The following ERGIC1 variants were observed in gnomAD, a reference collection of about 807,000 sequenced individuals.
ERGIC1 encodes the protein endoplasmic reticulum-Golgi intermediate compartment protein 1.
A neutral mutation model predicts 38.3 loss-of-function variants in ERGIC1; 19 were observed. The ratio of observed to expected loss-of-function variants is 0.50; its 90% CI spans 0.35 to 0.73. The LOEUF (loss-of-function observed/expected upper bound fraction) is 0.73, where lower values mean the gene tolerates loss of function less well. Among genes scored for constraint, ERGIC1 ranks in the 30% least tolerant of loss-of-function variants. ERGIC1 has a pLI of 0.01. For missense variants in ERGIC1, 294 were observed against 389.2 expected (o/e 0.76, Z 2.06); for synonymous variants, 124 against 157.6 (o/e 0.79, Z 1.60).
At chr5:172,892,066 T>TG (rs1428801118) in intron 2 of ERGIC1, among the ~76,000 whole-genome samples, 10 of 142,228 alleles carry the variant, frequency 7.0e-5, no homozygotes, top group African/African-American at 2.5e-4. Flanking sequence ...GAGTATGTTT[T>TG]TTTTTTTTTT....
intron 6 of ERGIC1, among the ~76,000 whole-genome samples, 182 bp downstream of exon 6, chr5:172,924,291 G>A (rs1250558732): frequency 6.6e-6 from 1 of 152,226 alleles, no homozygotes; most frequent in African/African-American, 2.4e-5. Context: ...TCCTAGGCAG[G>A]GGGCGTCTCA....
chr5:172,946,157 G>A (rs1221621402), intron 9 of ERGIC1, among the ~76,000 whole-genome samples: 1 of 152,144 alleles, frequency 6.6e-6, no homozygotes, highest in Non-Finnish European at 1.5e-5. Context: ...ACCATGTCCA[G>A]CAGGGAGGTG....
At chr5:172,885,466 T>A (rs910489925) in intron 1 of ERGIC1, among the ~76,000 whole-genome samples, 4 of 152,106 alleles carry the variant, frequency 2.6e-5, no homozygotes, top group African/African-American at 9.7e-5. Flanking sequence ...CGAGGCCCAG[T>A]TTCTGCTTGT....
intron 2 of ERGIC1, 26 bp downstream of exon 2, chr5:172,888,786 C>T (rs750895475): frequency 6.2e-7 from 1 of 1,607,084 alleles, no homozygotes; most frequent in African/African-American, 1.3e-5. Flanking sequence ...CTGGCCATGC[C>T]CTCTGCCCCA....
chr5:172,923,132 GGGA>G (rs547129291), intron 5 of ERGIC1, among the ~76,000 whole-genome samples: 1 of 88,030 alleles, frequency 1.1e-5, no homozygotes, highest in Non-Finnish European at 2.6e-5. Flanking sequence ...CTGAGCATCT[GGGA>G]GGAGGAGGAG....
At chr5:172,943,554 GTGAC>G (rs1047342090) in intron 9 of ERGIC1, among the ~76,000 whole-genome samples, 6 of 152,330 alleles carry the variant, frequency 3.9e-5, no homozygotes, top group Middle Eastern at 3.4e-3. Context: ...AACGGGGAAA[GTGAC>G]TGAACAGTTC....
chr5:172,907,257 T>C (rs1376135454), intron 3 of ERGIC1, among the ~76,000 whole-genome samples: 1 of 152,216 alleles, frequency 6.6e-6, no homozygotes, highest in African/African-American at 2.4e-5. Context: ...GCTGTGCTCA[T>C]ATCAAGCCTA....
At chr5:172,835,670 C>T (rs793010) in intron 1 of ERGIC1, among the ~76,000 whole-genome samples, 36,712 of 152,140 alleles carry the variant, frequency 0.24, 4,560 homozygotes, top group East Asian at 0.33. Flanking sequence ...GGCCCTTAGC[C>T]TGCCATGACC....
chr5:172,876,932 A>C (rs1413081396), intron 1 of ERGIC1, among the ~76,000 whole-genome samples: 1 of 152,176 alleles, frequency 6.6e-6, no homozygotes, highest in Non-Finnish European at 1.5e-5. Context: ...ACAAGAGTGA[A>C]ACTCCGTCTC....
chr5:172,904,762 T>C (rs779159163), intron 3 of ERGIC1, among the ~76,000 whole-genome samples: 1 of 152,076 alleles, frequency 6.6e-6, no homozygotes, highest in South Asian at 2.1e-4. Context: ...CCAGCAGCCC[T>C]GGAACATTTG....
At chr5:172,914,895 G>A (rs368830171) in intron 5 of ERGIC1, 57 bp downstream of exon 5, 43 of 1,608,770 alleles carry the variant, frequency 2.7e-5, no homozygotes, top group South Asian at 7.8e-5. Flanking sequence ...CTGTCTCCCC[G>A]CTCCCTGGAA....
intron 1 of ERGIC1, among the ~76,000 whole-genome samples, chr5:172,878,543 G>A (rs770432693): frequency 6.6e-5 from 10 of 152,138 alleles, no homozygotes; most frequent in Non-Finnish European, 1.2e-4. Flanking sequence ...CGCAAGGGGG[G>A]TAGCAGCAGT....
chr5:172,929,915 C>T (rs1011405151), intron 7 of ERGIC1, among the ~76,000 whole-genome samples: 3 of 152,108 alleles, frequency 2.0e-5, no homozygotes, highest in Admixed American at 1.3e-4. Flanking sequence ...TGGCTGGGCG[C>T]GGTGGCTAAC....
In ERGIC1 at chr5:172,897,021, C is replaced by T. The variant is rs749215589; in HGVS notation, c.102C>T (p.Leu34=). 17 of 1,614,076 alleles carry T rather than the reference C, an allele frequency of 1.1e-5. No homozygotes were observed. The highest frequency in any genetic ancestry group is 3.3e-5 in the Admixed American group (2 of 60,008). ...TTCCAGTCTCCATCTGCTGCTGCCT[C>T]TTCATCCTCTTCCTCTTCCTCTCGG... ...TGAIISICCC[L]FILFLFLSEL... is the part of the protein sequence containing the mutation. The change falls in exon 3 of 10, where the codon CTC becomes CTT. Residue 34 remains leucine, a synonymous_variant. Coordinates refer to ENST00000393784, the MANE Select transcript of ERGIC1 (RefSeq NM_001031711.3).
intron 5 of ERGIC1, among the ~76,000 whole-genome samples, chr5:172,923,576 G>A (rs1763581065): frequency 6.6e-6 from 1 of 152,184 alleles, no homozygotes; most frequent in Non-Finnish European, 1.5e-5. Context: ...GGGCACTGGG[G>A]CAAACTTGGG....
At chr5:172,922,893 G>A (rs78257406) in intron 5 of ERGIC1, among the ~76,000 whole-genome samples, 3,004 of 152,372 alleles carry the variant, frequency 0.02, 36 homozygotes, top group Middle Eastern at 0.044. Flanking sequence ...TGGGAGCCCA[G>A]GGAGGAGCCT....
chr5:172,923,779 G>A (rs115262519), intron 5 of ERGIC1, among the ~76,000 whole-genome samples: 625 of 152,326 alleles, frequency 4.1e-3, no homozygotes, highest in African/African-American at 0.013. Context: ...AGATAGTCCT[G>A]GCAGCCCCCT....
intron 1 of ERGIC1, among the ~76,000 whole-genome samples, chr5:172,877,458 AT>A (rs56384349): frequency 0.21 from 18,376 of 86,038 alleles, 1,398 homozygotes; most frequent in Non-Finnish European, 0.27. Context: ...ATATATATAT[AT>A]TTTTTTTTTT....
At chr5:172,872,267 C>T (rs1421824617) in intron 1 of ERGIC1, among the ~76,000 whole-genome samples, 4 of 152,152 alleles carry the variant, frequency 2.6e-5, no homozygotes, top group Admixed American at 2.0e-4. Flanking sequence ...TCTACACAGT[C>T]TTTCCTGAAC....
Sources: gnomAD v4.1 joint callset for allele counts (sites outside exome capture counted in the v4.1 genomes callset) on GRCh38, gnomAD v4.1.1 for gene constraint, MANE v1.5 for transcripts, NCBI Gene and HGNC (gene_info 2026-07-23, HGNC 2026-07-21) for gene names.